ZC3H14: variants seen among roughly 807,000 people sequenced by gnomAD.
The protein encoded by ZC3H14 is zinc finger CCCH domain-containing protein 14.
Under a neutral mutation model 92.4 loss-of-function variants are expected in ZC3H14, and 31 were observed. The ratio of observed to expected loss-of-function variants is 0.34; its 90% CI spans 0.25 to 0.45. The LOEUF (loss-of-function observed/expected upper bound fraction) is 0.45, where lower values mean the gene tolerates loss of function less well. ZC3H14 is among the 20% of genes least tolerant of loss of function. The probability of loss-of-function intolerance (pLI) is 1.00; values close to 1 mark genes in which losing one functional copy is unlikely to be tolerated. For synonymous variants in ZC3H14, 321 were observed against 300.9 expected, an observed-to-expected ratio of 1.07 and a Z score of -0.69; for missense variants, 781 against 897.3, an observed-to-expected ratio of 0.87 and a Z score of 1.66.
rs1464842653 is a variant in ZC3H14 at position 88,627,562 on chromosome 14, C to T, written c.*15811C>T. ...ACTGAATGATTGTTTCAACCACCAA[C>T]TTTAAGACAAATATTAAATACAGAA... On this transcript the variant is annotated 3_prime_UTR_variant, in exon 17 of 17. Coordinates refer to ENST00000251038, the MANE Select transcript of ZC3H14 (RefSeq NM_024824.5). The T allele has an allele frequency of 3.2e-5, 45 of 1,393,798 alleles. No individual in the cohort carries two copies. Among genetic ancestry groups the T allele is most frequent in the African/African-American group, 2.9e-5 (2 of 69,410 alleles). 86.3% of individuals were successfully genotyped at this position (1,393,798 alleles called of 1,614,324 possible). A position where few individuals can be genotyped will look rare whatever the true frequency, so the allele number is the denominator to read the frequency against.
chr14:88,627,453 T>C lies in ZC3H14; in HGVS notation c.*15702T>C, dbSNP rs1317569758. The C allele has an allele frequency of 5.5e-6, 3 of 542,144 alleles. No homozygotes were observed. Among genetic ancestry groups the C allele is most frequent in the Non-Finnish European group, 9.5e-6 (3 of 315,484 alleles). The allele number at this position is 542,144 out of a possible 1,614,324, so 33.6% of individuals were successfully genotyped here. A position where few individuals can be genotyped will look rare whatever the true frequency, so the allele number is the denominator to read the frequency against. On this transcript the variant is annotated 3_prime_UTR_variant, in exon 17 of 17. Coordinates refer to ENST00000251038, the MANE Select transcript of ZC3H14 (RefSeq NM_024824.5). ...AATAATGGTTTCATTAATTTATCTG[T>C]TTTGTGAGGTTACAGTTCCACTGGG...
intron 15 of ZC3H14, 83 bp downstream of exon 15, chr14:88,609,886 C>T (rs2086263370): frequency 7.0e-7 from 1 of 1,433,122 alleles, no homozygotes. Flanking sequence ...AGAGTTACTA[C>T]ATTGGTGCAA....
At position 88,566,896 on chromosome 14, in the gene ZC3H14, G is replaced by C. The variant is rs115336127; in HGVS notation, c.80-1143G>C. On this transcript the variant is annotated intron_variant, in intron 2 of 16. Transcript: ENST00000251038. ...GATTGTGCCACTACACTCCAACCTGGGAGACAGAGCAAGACTCTGTCGTAA... is the reference window on the plus strand; with the variant it reads ...GATTGTGCCACTACACTCCAACCTGCGAGACAGAGCAAGACTCTGTCGTAA... Among the ~76,000 whole-genome samples, 1,107 of 151,304 alleles carry C rather than the reference G, an allele frequency of 7.3e-3. 6 individuals carry two copies. Among genetic ancestry groups the C allele is most frequent in the African/African-American group, 0.025 (1,050 of 41,196 alleles).
intron 9 of ZC3H14, among the ~76,000 whole-genome samples, chr14:88,596,112 A>G (rs538961227): frequency 6.6e-6 from 1 of 152,314 alleles, no homozygotes; most frequent in Admixed American, 6.5e-5. Context: ...TTAGGAGCCT[A>G]TTTTAGAAGA....
At chr14:88,578,164 C>T (rs770163613) in intron 9 of ZC3H14, 24 bp downstream of exon 9, 3 of 1,612,194 alleles carry the variant, frequency 1.9e-6, no homozygotes, top group African/African-American at 1.3e-5. Flanking sequence ...TGATGTTTCA[C>T]TCTTTACTAC....
chr14:88,608,748 C>A, intron 13 of ZC3H14: 1 of 160,808 alleles, frequency 6.2e-6, no homozygotes, highest in Admixed American at 6.2e-5. Context: ...TTAAATTTTT[C>A]CTTACAAGCT....
In ZC3H14 at chr14:88,568,731, TA is replaced by T. The variant is rs1595497853; in HGVS notation, c.194+582del. On this transcript the variant is annotated intron_variant, in intron 3 of 16. Transcript: ENST00000251038. ...TGTCTTGCCTTGGTTTCTCTAGCTA[TA>T]AAATGGAAATAGTACAGCCACTTGC... Among the ~76,000 whole-genome samples the T allele has an allele frequency of 2.0e-5, 3 of 152,228 alleles. No individual in the cohort carries two copies. In the East Asian group the frequency reaches 5.8e-4, roughly 29 times the overall value.
At chr14:88,604,013 A>G (rs1194802152) in intron 12 of ZC3H14, among the ~76,000 whole-genome samples, 3 of 152,282 alleles carry the variant, frequency 2.0e-5, no homozygotes, top group East Asian at 3.9e-4. Context: ...ATCTGACCCT[A>G]TCAACAGGAA....
intron 9 of ZC3H14, among the ~76,000 whole-genome samples, chr14:88,592,905 C>T (rs1273960036): frequency 2.0e-5 from 3 of 151,760 alleles, no homozygotes; most frequent in African/African-American, 4.8e-5. Flanking sequence ...AAAGTAAAAA[C>T]GTCCTTTGTC....
Position 88,624,341 on chromosome 14 carries a change from A to G in ZC3H14, c.*12590A>G, listed in dbSNP as rs1344339243. 1 of 152,482 alleles carries G rather than the reference A, an allele frequency of 6.6e-6. No homozygotes were observed. The highest frequency in any genetic ancestry group is 2.4e-5 in the African/African-American group (1 of 41,426). The allele number at this position is 152,482 out of a possible 1,614,324, so 9.4% of individuals were successfully genotyped here. A position where few individuals can be genotyped will look rare whatever the true frequency, so the allele number is the denominator to read the frequency against. On this transcript the variant is annotated 3_prime_UTR_variant, in exon 17 of 17. Coordinates refer to ENST00000251038, the MANE Select transcript of ZC3H14 (RefSeq NM_024824.5). The stretch of plus-strand genomic sequence containing the variant: ...CCACCTGCCTCAGCCTCCCAAAGTG[A>G]TAAGATTACAGGTGTGAGCCACTGT...
In ZC3H14 at chr14:88,616,033, T is replaced by G. The variant is rs1286124503; in HGVS notation, c.*4282T>G. Reference sequence around the variant, plus strand: ...AGAGCCATCTGGTTATACTACCTTCTACTAATGTTGACTAGCTGATTTCAT... The same window carrying G: ...AGAGCCATCTGGTTATACTACCTTCGACTAATGTTGACTAGCTGATTTCAT... On this transcript the variant is annotated 3_prime_UTR_variant, in exon 17 of 17. Transcript: ENST00000251038. 23 of 1,320,244 alleles carry G rather than the reference T, an allele frequency of 1.7e-5. No homozygotes were observed. Among genetic ancestry groups the G allele is most frequent in the Non-Finnish European group, 2.2e-5 (20 of 925,684 alleles). 81.8% of individuals were successfully genotyped at this position (1,320,244 alleles called of 1,614,324 possible). A position where few individuals can be genotyped will look rare whatever the true frequency, so the allele number is the denominator to read the frequency against.
chr14:88,578,555 A>G (rs2081460184), intron 9 of ZC3H14, among the ~76,000 whole-genome samples: 1 of 152,158 alleles, frequency 6.6e-6, no homozygotes, highest in Admixed American at 6.5e-5. Context: ...AGCCTTAGTT[A>G]TTATCAGAAT....
At chr14:88,573,126 A>G in intron 6 of ZC3H14, 119 bp downstream of exon 6, 1 of 1,204,644 alleles carries the variant, frequency 8.3e-7, no homozygotes, top group Non-Finnish European at 1.2e-6. Context: ...CACACCTGTA[A>G]TCCCAGGACT....
At position 88,603,012 on chromosome 14, in the gene ZC3H14, C is replaced by G; in HGVS notation, c.1699C>G (p.His567Asp). 1 of 1,614,160 alleles carries G rather than the reference C, an allele frequency of 6.2e-7. No individual in the cohort carries two copies. The highest frequency in any genetic ancestry group is 8.5e-7 in the Non-Finnish European group (1 of 1,180,026). The change falls in exon 12 of 17, where the codon CAC (histidine) becomes GAC (aspartate). Residue 567 changes from histidine to aspartate, a missense_variant. By Grantham distance (81) the His-to-Asp change is moderately conservative. This residue lies in a region of ZC3H14 where 221 missense variants were observed against 304.7 expected (regional missense o/e 0.73). Transcript: ENST00000251038. Reference protein sequence around the residue: ...LRGLLHPQQLHLLSRQLEDPN... With the variant: ...LRGLLHPQQLDLLSRQLEDPN... ...AGGTCTCCTCCACCCACAGCAGTTG[C>G]ACTTGCTGAGCAGGCAGCTTGAGGA...
At chr14:88,610,679 C>G in intron 15 of ZC3H14, among the ~76,000 whole-genome samples, 155 bp from the exon 16 acceptor site, 1 of 151,198 alleles carries the variant, frequency 6.6e-6, no homozygotes, top group East Asian at 1.9e-4. Context: ...TAGCACACGC[C>G]TGTAGTCCCA....
rs758850143 is a variant in ZC3H14, at chr14:88,618,344, AT to A, written c.*6595del. 17 of 1,610,062 alleles carry A rather than the reference AT, an allele frequency of 1.1e-5. No individual in the cohort carries two copies. Among genetic ancestry groups the A allele is most frequent in the Admixed American group, 1.7e-5 (1 of 59,980 alleles). ...AGCCACTAGAGACCTTTTTCATCAG[AT>A]TAAAATGGGACAAGAATTCCATTAG... On this transcript the variant is annotated 3_prime_UTR_variant, in exon 17 of 17. Coordinates refer to ENST00000251038, the MANE Select transcript of ZC3H14 (RefSeq NM_024824.5).
chr14:88,606,325 G>C (rs926591660), intron 12 of ZC3H14, among the ~76,000 whole-genome samples: 4 of 152,130 alleles, frequency 2.6e-5, no homozygotes, highest in African/African-American at 9.7e-5. Context: ...GTGGATGGGT[G>C]TGCACTTGCT....
intron 9 of ZC3H14, chr14:88,595,075 G>A (rs1355800175): frequency 6.2e-7 from 1 of 1,612,800 alleles, no homozygotes; most frequent in African/African-American, 1.3e-5. Context: ...AACTACTGAT[G>A]TAAAAATAAT....
Position 88,563,265 on chromosome 14 carries a change from G to C in ZC3H14, c.36+96G>C, listed in dbSNP as rs991463383. 9 of 1,543,362 alleles carry C rather than the reference G, an allele frequency of 5.8e-6. No homozygotes were observed. The African/African-American group carries it at 1.1e-4, about 19-fold the overall frequency. ...ACTGTGGGCCCGGGTGGACGCCGCG[G>C]CCTGGCCTCCGCTGGACGCTCCTGG... On this transcript the variant is annotated intron_variant, in intron 1 of 16. Coordinates refer to ENST00000251038, the MANE Select transcript of ZC3H14 (RefSeq NM_024824.5).
Sources: gnomAD v4.1 joint callset for allele counts (sites outside exome capture counted in the v4.1 genomes callset) on GRCh38, gnomAD v4.1.1 for gene constraint, gnomAD v4.1.1 regional missense constraint, MANE v1.5 for transcripts, NCBI Gene and HGNC (gene_info 2026-07-23, HGNC 2026-07-21) for gene names.